PROM1: variants seen among roughly 807,000 people sequenced by gnomAD.
PROM1 encodes prominin 1, also known as prominin-1.
PROM1 carries 105 observed loss-of-function variants against 116.9 expected under a neutral mutation model. The observed-to-expected ratio is 0.90, with a 90% CI of 0.77 to 1.06. The LOEUF (loss-of-function observed/expected upper bound fraction) is 1.06. Ranked by LOEUF, PROM1 falls within the 50% of genes least tolerant of loss-of-function variation. PROM1 has a pLI of 0.00. For missense variants in PROM1, 1,122 were observed against 1,045.2 expected (o/e 1.07, Z -1.01); for synonymous variants, 393 against 387.0 (o/e 1.02, Z -0.18).
rs959993362 is a variant in PROM1 at position 15,969,199 on chromosome 4, C to T, written c.*194G>A. On this transcript the variant is annotated 3_prime_UTR_variant, in exon 28 of 28. Transcript: ENST00000447510. ...AATAGTGATGGACCATGGACTATAACGTGATTGTGTTCATTCTTAAAGCAC... is the reference window on the plus strand; with the variant it reads ...AATAGTGATGGACCATGGACTATAATGTGATTGTGTTCATTCTTAAAGCAC... 3 of 152,150 alleles carry T rather than the reference C, an allele frequency of 2.0e-5. No homozygotes were observed. Among genetic ancestry groups the T allele is most frequent in the African/African-American group, 7.2e-5 (3 of 41,420 alleles). 9.4% of individuals were successfully genotyped at this position (152,150 alleles called of 1,614,324 possible).
intron 2 of PROM1, among the ~76,000 whole-genome samples, chr4:16,047,593 T>C (rs962017585): frequency 6.6e-5 from 10 of 152,184 alleles, no homozygotes; most frequent in African/African-American, 2.2e-4. Flanking sequence ...TTAGTTTCGT[T>C]AAACTAGTTG....
At chr4:15,970,375 G>A (rs1714160810) in intron 27 of PROM1, among the ~76,000 whole-genome samples, 1 of 151,798 alleles carries the variant, frequency 6.6e-6, no homozygotes, top group Admixed American at 6.6e-5. Flanking sequence ...GTTTCACCAT[G>A]TTGGCCAGGC....
intron 2 of PROM1, among the ~76,000 whole-genome samples, chr4:16,055,639 C>T (rs1459394091): frequency 2.0e-5 from 3 of 152,116 alleles, no homozygotes; most frequent in African/African-American, 7.2e-5. Context: ...CATAGCTAGG[C>T]AGAGGCATTT....
chr4:15,988,319 A>C (rs1720022479), intron 19 of PROM1, among the ~76,000 whole-genome samples: 1 of 152,264 alleles, frequency 6.6e-6, no homozygotes, highest in Non-Finnish European at 1.5e-5. Context: ...AGTGGAAGGC[A>C]TTATTTAAAG....
rs114746869 is a variant in PROM1 at position 15,978,717 on chromosome 4, G to A, written c.2582+678C>T. Among the ~76,000 whole-genome samples, 1,364 of 152,316 alleles carry A rather than the reference G, an allele frequency of 9.0e-3. 16 individuals carry two copies. The highest frequency in any genetic ancestry group is 0.031 in the African/African-American group (1,304 of 41,570). The stretch of plus-strand genomic sequence containing the variant: ...TGGGAAGGATCACGCCCACTGAAGA[G>A]GACAGCCCACTGCTGCCCTGCTGCC... On this transcript the variant is annotated intron_variant, in intron 26 of 27. Coordinates refer to ENST00000447510, the MANE Select transcript of PROM1 (RefSeq NM_006017.3).
intron 2 of PROM1, among the ~76,000 whole-genome samples, chr4:16,053,456 C>T (rs974974681): frequency 3.3e-5 from 5 of 151,914 alleles, no homozygotes; most frequent in Admixed American, 6.6e-5. Context: ...GTTGTGATTC[C>T]GATTCAAGGG....
chr4:15,988,323 T>C (rs1444637843), intron 19 of PROM1, among the ~76,000 whole-genome samples: 3 of 152,244 alleles, frequency 2.0e-5, no homozygotes, highest in African/African-American at 7.2e-5. Context: ...GAAGGCATTA[T>C]TTAAAGCAGA....
Position 15,969,365 on chromosome 4 carries a change from G to C in PROM1, c.*28C>G, listed in dbSNP as rs957349397. 1 of 152,134 alleles carries C rather than the reference G, an allele frequency of 6.6e-6. No homozygotes were observed. Among genetic ancestry groups the C allele is most frequent in the African/African-American group, 2.4e-5 (1 of 41,416 alleles). The allele number at this position is 152,134 out of a possible 1,614,324, so 9.4% of individuals were successfully genotyped here. ...TGATCCTTTCCACTTTGAGTATCCTGATGCTGAAATGAAAGTTAAACACAA... is the reference window on the plus strand; with the variant it reads ...TGATCCTTTCCACTTTGAGTATCCTCATGCTGAAATGAAAGTTAAACACAA... On this transcript the variant is annotated 3_prime_UTR_variant, in exon 28 of 28. Transcript: ENST00000447510.
chr4:16,001,632 T>C (rs138896417), intron 13 of PROM1, among the ~76,000 whole-genome samples: 3 of 152,244 alleles, frequency 2.0e-5, no homozygotes, highest in Non-Finnish European at 2.9e-5. Context: ...CACCAACCAA[T>C]GTGCTGTCTG....
intron 20 of PROM1, among the ~76,000 whole-genome samples, chr4:15,986,361 G>A (rs1000632307): frequency 3.3e-5 from 5 of 152,094 alleles, no homozygotes; most frequent in South Asian, 2.1e-4. Context: ...GCCTCTTCAC[G>A]GTCACCATGC....
In PROM1 at chr4:16,076,137, G is replaced by T; in HGVS notation, c.-212-19C>A. On this transcript the variant is annotated intron_variant, in intron 1 of 27. Transcript: ENST00000447510. ...ACCATCCCTGGCAGGGAGAGAAACAGCAGCAGAGTCATCAATGCGTGTAAA... is the reference window on the plus strand; with the variant it reads ...ACCATCCCTGGCAGGGAGAGAAACATCAGCAGAGTCATCAATGCGTGTAAA... 1 of 811,618 alleles carries T rather than the reference G, an allele frequency of 1.2e-6. No individual in the cohort carries two copies. Among genetic ancestry groups the T allele is most frequent in the Non-Finnish European group, 1.8e-6 (1 of 553,732 alleles). 50.3% of individuals were successfully genotyped at this position (811,618 alleles called of 1,614,324 possible).
chr4:15,996,594 G>C (rs1056861414), intron 15 of PROM1, among the ~76,000 whole-genome samples: 1 of 152,070 alleles, frequency 6.6e-6, no homozygotes. Context: ...TCTGTGGTTT[G>C]GCTACAGGAA....
chr4:16,041,785 A>AATATATAT (rs200674323), intron 2 of PROM1, among the ~76,000 whole-genome samples: 1 of 37,618 alleles, frequency 2.7e-5, no homozygotes. Context: ...TAAATAAATA[A>AATATATAT]ATATATATAT....
At chr4:16,026,966 A>G (rs1731438985) in intron 5 of PROM1, among the ~76,000 whole-genome samples, 1 of 152,170 alleles carries the variant, frequency 6.6e-6, no homozygotes, top group Admixed American at 6.5e-5. Context: ...CAAACTGAAA[A>G]GATCAGTTTA....
intron 26 of PROM1, among the ~76,000 whole-genome samples, chr4:15,976,503 C>A (rs1024519400): frequency 2.6e-5 from 4 of 152,218 alleles, no homozygotes; most frequent in Non-Finnish European, 4.4e-5. Context: ...TGGAAGTCTA[C>A]CCTCCTTTGT....
chr4:16,007,672 CATAGT>C (rs879929032), intron 12 of PROM1, among the ~76,000 whole-genome samples: 74 of 152,260 alleles, frequency 4.9e-4, no homozygotes, highest in African/African-American at 1.4e-3. Flanking sequence ...AAGATAAGTT[CATAGT>C]GTCAGGGCAG....
chr4:16,040,928 T>C (rs1402329429), intron 2 of PROM1, among the ~76,000 whole-genome samples: 5 of 151,936 alleles, frequency 3.3e-5, no homozygotes, highest in Non-Finnish European at 5.9e-5. Context: ...AAAAACAAAA[T>C]GAAAAACTTT....
chr4:16,025,439 G>A, intron 5 of PROM1, 127 bp from the exon 6 acceptor site: 8 of 1,163,248 alleles, frequency 6.9e-6, no homozygotes, highest in Non-Finnish European at 8.4e-6. Context: ...CTCTCCCGCT[G>A]CCCTCTCCTC....
intron 2 of PROM1, among the ~76,000 whole-genome samples, chr4:16,051,592 G>A (rs757607697): frequency 6.6e-6 from 1 of 152,180 alleles, no homozygotes; most frequent in African/African-American, 2.4e-5. Context: ...TTGGCCACAG[G>A]TTGAGTGCAA....
Sources: gnomAD v4.1 joint callset for allele counts (sites outside exome capture counted in the v4.1 genomes callset) on GRCh38, gnomAD v4.1.1 for gene constraint, MANE v1.5 for transcripts, NCBI Gene and HGNC (gene_info 2026-07-23, HGNC 2026-07-21) for gene names.